KCNH5: variants seen among roughly 807,000 people sequenced by gnomAD.
KCNH5 encodes potassium voltage-gated channel subfamily H member 5.
Under a neutral mutation model 96.1 loss-of-function variants are expected in KCNH5, and 46 were observed. The ratio of observed to expected loss-of-function variants is 0.48; its 90% confidence interval spans 0.38 to 0.61. The LOEUF (loss-of-function observed/expected upper bound fraction) is 0.61, where lower values mean the gene tolerates loss of function less well. Among genes scored for constraint, KCNH5 ranks in the 20% least tolerant of loss-of-function variants. KCNH5 has a pLI of 0.00. For synonymous variants in KCNH5, 439 were observed against 449.8 expected (o/e 0.98, Z 0.30); for missense variants, 907 against 1,225.8 (o/e 0.74, Z 3.88).
At chr14:63,005,585 G>GTTCAT (rs144458911) in intron 3 of KCNH5, among the ~76,000 whole-genome samples, 2 of 152,136 alleles carry the variant, frequency 1.3e-5, no homozygotes, top group South Asian at 4.1e-4. Context: ...TGAAGTGACT[G>GTTCAT]TTCATTTCAA....
chr14:63,009,128 G>C (rs1891179876), intron 2 of KCNH5, among the ~76,000 whole-genome samples: 1 of 151,818 alleles, frequency 6.6e-6, no homozygotes, highest in African/African-American at 2.4e-5. Flanking sequence ...TTGGTCAACA[G>C]AAAAACAAAA....
intron 4 of KCNH5, among the ~76,000 whole-genome samples, chr14:62,992,645 C>T (rs1391612937): frequency 6.6e-6 from 1 of 151,876 alleles, no homozygotes; most frequent in East Asian, 1.9e-4. Context: ...CTATTCATGT[C>T]CTTTGCCCAC....
intron 8 of KCNH5, among the ~76,000 whole-genome samples, chr14:62,824,864 C>T (rs1268251904): frequency 6.6e-6 from 1 of 151,930 alleles, no homozygotes; most frequent in Non-Finnish European, 1.5e-5. Context: ...AGTGGAAACA[C>T]CTCTGGTTTT....
intron 7 of KCNH5, among the ~76,000 whole-genome samples, chr14:62,939,954 T>C (rs995112500): frequency 2.6e-5 from 4 of 152,074 alleles, no homozygotes; most frequent in African/African-American, 4.8e-5. Flanking sequence ...AAAAAAATTT[T>C]TTCAGGAAGC....
chr14:62,896,445 A>C (rs186698103), intron 7 of KCNH5, among the ~76,000 whole-genome samples: 1 of 152,334 alleles, frequency 6.6e-6, no homozygotes, highest in Non-Finnish European at 1.5e-5. Flanking sequence ...TTGCCAACAA[A>C]TATTTGAAAT....
chr14:63,042,509 C>A (rs141519870), intron 1 of KCNH5, among the ~76,000 whole-genome samples: 1 of 152,134 alleles, frequency 6.6e-6, no homozygotes, highest in Admixed American at 6.5e-5. Flanking sequence ...CAAGGCCAGC[C>A]TCTGTTTCTT....
At chr14:62,963,348 T>C (rs890310274) in intron 6 of KCNH5, among the ~76,000 whole-genome samples, 11 of 152,010 alleles carry the variant, frequency 7.2e-5, no homozygotes, top group African/African-American at 2.7e-4. Context: ...TGCATACCCA[T>C]GGGTAAAAGG....
At chr14:62,846,074 C>T (rs1414083427) in intron 8 of KCNH5, among the ~76,000 whole-genome samples, 1 of 152,154 alleles carries the variant, frequency 6.6e-6, no homozygotes, top group Non-Finnish European at 1.5e-5. Flanking sequence ...AGTCACCAAC[C>T]TTTGCTAAGA....
At chr14:62,801,442 T>C (rs1357949480) in intron 9 of KCNH5, among the ~76,000 whole-genome samples, 1 of 150,676 alleles carries the variant, frequency 6.6e-6, no homozygotes, top group Non-Finnish European at 1.5e-5. Flanking sequence ...TATCTGTGGA[T>C]TTCAGGAAAC....
At chr14:63,018,262 A>G (rs1891362944) in intron 1 of KCNH5, among the ~76,000 whole-genome samples, 1 of 151,886 alleles carries the variant, frequency 6.6e-6, no homozygotes, top group African/African-American at 2.4e-5. Flanking sequence ...AAAGAGCTCA[A>G]GCAGAAGTGT....
chr14:63,011,234 G>A (rs573067978), intron 2 of KCNH5, among the ~76,000 whole-genome samples: 34 of 152,266 alleles, frequency 2.2e-4, no homozygotes, highest in African/African-American at 8.2e-4. Context: ...TGTAATCCCA[G>A]CACTTTGAGA....
At chr14:62,977,811 G>T (rs1329946369) in intron 6 of KCNH5, among the ~76,000 whole-genome samples, 1 of 152,158 alleles carries the variant, frequency 6.6e-6, no homozygotes, top group Admixed American at 6.5e-5. Context: ...TTTTACTGAG[G>T]TAAATGCCTG....
chr14:62,904,130 T>C (rs1182634977), intron 7 of KCNH5, among the ~76,000 whole-genome samples: 1 of 152,202 alleles, frequency 6.6e-6, no homozygotes, highest in African/African-American at 2.4e-5. Context: ...ACTCACATCG[T>C]CTTCATTAAG....
Position 63,011,193 on chromosome 14 carries a change from C to T in KCNH5, c.198-4721G>A, listed in dbSNP as rs909974542. Among the ~76,000 whole-genome samples the T allele has an allele frequency of 4.6e-5, 7 of 152,186 alleles. No individual in the cohort carries two copies. In the South Asian group the frequency reaches 1.5e-3, roughly 32 times the overall value. ...GGAGGAAAAATTAAAAACAAGAATA[C>T]AGTTTTCGGCCCGGCACAGTGGCTC... On this transcript the variant is annotated intron_variant, in intron 2 of 10. Transcript: ENST00000322893.
intron 7 of KCNH5, among the ~76,000 whole-genome samples, chr14:62,919,923 G>C (rs535048664): frequency 6.6e-6 from 1 of 152,246 alleles, no homozygotes; most frequent in East Asian, 1.9e-4. Flanking sequence ...GCGTACCAGA[G>C]AGCCAAAGTC....
intron 7 of KCNH5, among the ~76,000 whole-genome samples, chr14:62,894,839 T>A (rs998630206): frequency 6.6e-6 from 1 of 152,194 alleles, no homozygotes; most frequent in Non-Finnish European, 1.5e-5. Context: ...CTCAATAAAC[T>A]TTTCAGATAT....
intron 8 of KCNH5, among the ~76,000 whole-genome samples, chr14:62,840,049 C>T (rs1298374112): frequency 6.6e-6 from 1 of 152,110 alleles, no homozygotes; most frequent in East Asian, 1.9e-4. Context: ...CCCCATCAGA[C>T]TCTGAACAAC....
chr14:62,761,985 G>A (rs1462704934), intron 10 of KCNH5, among the ~76,000 whole-genome samples: 1 of 152,154 alleles, frequency 6.6e-6, no homozygotes, highest in Non-Finnish European at 1.5e-5. Context: ...TCCTGGGGAA[G>A]AGGTGAGTTA....
At chr14:62,766,737 A>T (rs1885869253) in intron 10 of KCNH5, among the ~76,000 whole-genome samples, 1 of 152,100 alleles carries the variant, frequency 6.6e-6, no homozygotes, top group Non-Finnish European at 1.5e-5. Flanking sequence ...GGGTACAAAA[A>T]AGTAGAAAGA....
Sources: gnomAD v4.1 joint callset for allele counts (sites outside exome capture counted in the v4.1 genomes callset) on GRCh38, gnomAD v4.1.1 for gene constraint, MANE v1.5 for transcripts, NCBI Gene and HGNC (gene_info 2026-07-23, HGNC 2026-07-21) for gene names.